Variants in PHC3 observed in about 807,000 individuals in gnomAD.
PHC3 encodes polyhomeotic-like protein 3.
Under a neutral mutation model 107.4 loss-of-function variants are expected in PHC3, and 13 were observed. The observed-to-expected ratio is 0.12, with a 90% confidence interval of 0.08 to 0.19. PHC3 has a LOEUF of 0.19. Ranked by LOEUF, PHC3 falls within the 10% of genes least tolerant of loss-of-function variation. The probability of loss-of-function intolerance (pLI) is 1.00; values close to 1 mark genes in which losing one functional copy is unlikely to be tolerated. For synonymous variants in PHC3, 456 were observed against 427.4 expected, an observed-to-expected ratio of 1.07 and a Z score of -0.83; for missense variants, 992 against 1,210.9, an observed-to-expected ratio of 0.82 and a Z score of 2.68.
chr3:170,179,090 G>A (rs554414630), intron 1 of PHC3, among the ~76,000 whole-genome samples, 152 bp from the exon 2 acceptor site: 2 of 152,294 alleles, frequency 1.3e-5, no homozygotes, highest in Non-Finnish European at 2.9e-5. Context: ...TAAGCACTTA[G>A]AAGGGAAAAA....
intron 4 of PHC3, among the ~76,000 whole-genome samples, chr3:170,159,502 C>G (rs1185598494): frequency 6.6e-6 from 1 of 152,064 alleles, no homozygotes; most frequent in Admixed American, 6.5e-5. Flanking sequence ...GATAAAGGAT[C>G]AATCCAGAAA....
chr3:170,150,794 C>T (rs1187628499), intron 4 of PHC3: 3 of 349,086 alleles, frequency 8.6e-6, no homozygotes, highest in African/African-American at 4.6e-5. Flanking sequence ...AAACTGGTAA[C>T]TGGTTGTATC....
At chr3:170,150,776 T>G (rs1725819537) in intron 4 of PHC3, 1 of 378,852 alleles carries the variant, frequency 2.6e-6, no homozygotes, top group African/African-American at 2.2e-5. Flanking sequence ...TCTAGAAGGA[T>G]GCGTAAGAAA....
At chr3:170,119,467 T>G (rs1290182055) in intron 9 of PHC3, among the ~76,000 whole-genome samples, 1 of 152,320 alleles carries the variant, frequency 6.6e-6, no homozygotes, top group East Asian at 1.9e-4. Context: ...GTCCTAAATT[T>G]TGTTCAAAAT....
At chr3:170,176,227 A>G (rs998556158) in intron 2 of PHC3, among the ~76,000 whole-genome samples, 2 of 147,926 alleles carry the variant, frequency 1.4e-5, no homozygotes, top group Non-Finnish European at 3.0e-5. Flanking sequence ...CTCGGTCTCA[A>G]AAAAAAAAAA....
At position 170,102,457 on chromosome 3, in the gene PHC3, G is replaced by A. The variant is rs777628113; in HGVS notation, c.2833+22C>T. On this transcript the variant is annotated intron_variant, in intron 14 of 14. Coordinates refer to ENST00000495893, the MANE Select transcript of PHC3 (RefSeq NM_024947.4). ...GTGAATGCACAAGAAAAATATTAAG[G>A]CCAAAGTGATGAATTACATACCAGG... 17 of 1,606,090 alleles carry A rather than the reference G, an allele frequency of 1.1e-5. No homozygotes were observed. The Admixed American group carries it at 2.9e-4, about 27-fold the overall frequency.
At chr3:170,114,944 GA>G (rs1457577866) in intron 10 of PHC3, among the ~76,000 whole-genome samples, 2 of 152,110 alleles carry the variant, frequency 1.3e-5, no homozygotes, top group Non-Finnish European at 2.9e-5. Flanking sequence ...AAAATTTACA[GA>G]AGTTATTGCT....
intron 14 of PHC3, among the ~76,000 whole-genome samples, chr3:170,101,964 T>C (rs1715562127): frequency 6.6e-6 from 1 of 152,158 alleles, no homozygotes; most frequent in African/African-American, 2.4e-5. Flanking sequence ...AATCAAAGAA[T>C]GTACCTTCTT....
At chr3:170,116,456 A>G (rs1337116630) in intron 10 of PHC3, among the ~76,000 whole-genome samples, 1 of 152,146 alleles carries the variant, frequency 6.6e-6, no homozygotes, top group East Asian at 1.9e-4. Context: ...AGTCCCAGCT[A>G]CTGAGGTAGC....
intron 8 of PHC3, among the ~76,000 whole-genome samples, chr3:170,127,485 A>C (rs537674467): frequency 3.4e-5 from 5 of 146,862 alleles, no homozygotes; most frequent in Middle Eastern, 3.5e-3. Context: ...CTTTTAATAA[A>C]AATTTACAGA....
chr3:170,121,753 C>T (rs912746434), intron 9 of PHC3, among the ~76,000 whole-genome samples: 8 of 152,160 alleles, frequency 5.3e-5, no homozygotes, highest in Non-Finnish European at 1.2e-4. Context: ...TAGAATGCTT[C>T]ATGATTTTTG....
chr3:170,099,616 G>T (rs973025416), intron 14 of PHC3, among the ~76,000 whole-genome samples: 6 of 152,114 alleles, frequency 3.9e-5, no homozygotes, highest in African/African-American at 1.4e-4. Flanking sequence ...CAAGTGTAGT[G>T]CAGCTCTCAG....
At chr3:170,163,051 G>A (rs1728146597) in intron 4 of PHC3, among the ~76,000 whole-genome samples, 1 of 151,858 alleles carries the variant, frequency 6.6e-6, no homozygotes, top group Admixed American at 6.6e-5. Flanking sequence ...CTACGTACTT[G>A]TTTAATGTTC....
intron 8 of PHC3, among the ~76,000 whole-genome samples, chr3:170,125,342 G>A (rs944248639): frequency 2.6e-5 from 4 of 152,186 alleles, no homozygotes; most frequent in Non-Finnish European, 5.9e-5. Context: ...TGCTGTCACA[G>A]TGAATACTTT....
At position 170,173,006 on chromosome 3, in the gene PHC3, C is replaced by CA. The variant is rs775445292; in HGVS notation, c.181-295dup. Reference sequence around the variant, plus strand: ...AGGAGATCAAGACCATCCTGGCTAACATGGTGAAACCCCGTCTCTACTAAA... The same window carrying CA: ...AGGAGATCAAGACCATCCTGGCTAACAATGGTGAAACCCCGTCTCTACTAAA... On this transcript the variant is annotated intron_variant, in intron 2 of 14. Coordinates refer to ENST00000495893, the MANE Select transcript of PHC3 (RefSeq NM_024947.4). 5.1e-4 allele frequency among the ~76,000 whole-genome samples: 78 copies of CA among 152,166 alleles called. No homozygotes were observed. The Middle Eastern group carries it at 0.017, about 33-fold the overall frequency.
At chr3:170,167,452 T>A (rs1194459208) in intron 4 of PHC3, among the ~76,000 whole-genome samples, 1 of 152,218 alleles carries the variant, frequency 6.6e-6, no homozygotes, top group East Asian at 1.9e-4. Context: ...TTAAATATAT[T>A]TTCATGTGTT....
At chr3:170,156,152 C>T (rs778955307) in intron 4 of PHC3, among the ~76,000 whole-genome samples, 2 of 152,116 alleles carry the variant, frequency 1.3e-5, no homozygotes, top group Admixed American at 1.3e-4. Flanking sequence ...ATGGGGTCTA[C>T]GTAGTTCAGG....
chr3:170,112,395 ATT>A (rs200172583), intron 11 of PHC3, among the ~76,000 whole-genome samples: 1 of 52,232 alleles, frequency 1.9e-5, no homozygotes, highest in African/African-American at 7.3e-5. Flanking sequence ...ATATATATAT[ATT>A]TTTTTTTAGT....
chr3:170,138,086 T>TC (rs1261681265), intron 6 of PHC3, among the ~76,000 whole-genome samples: 1 of 151,978 alleles, frequency 6.6e-6, no homozygotes, highest in Non-Finnish European at 1.5e-5. Context: ...TCCCAGCTAC[T>TC]CGGGAGGCTG....
Sources: allele counts gnomAD v4.1 joint callset (sites outside exome capture counted in the v4.1 genomes callset), GRCh38; gene constraint gnomAD v4.1.1; transcripts MANE v1.5; gene names NCBI Gene and HGNC (gene_info 2026-07-23, HGNC 2026-07-21).